The following SLC24A2 variants were observed in gnomAD, a reference collection of about 807,000 sequenced individuals.
SLC24A2 encodes solute carrier family 24 member 2, also known as sodium/potassium/calcium exchanger 2.
SLC24A2 carries 36 observed loss-of-function variants against 62.0 expected under a neutral mutation model. The ratio of observed to expected loss-of-function variants is 0.58; its 90% CI spans 0.44 to 0.77. SLC24A2 has a LOEUF of 0.77. Ranked by LOEUF, SLC24A2 falls within the 30% of genes least tolerant of loss-of-function variation. The probability of loss-of-function intolerance (pLI) is 0.00; values close to 1 mark genes in which losing one functional copy is unlikely to be tolerated. For synonymous variants in SLC24A2, 358 were observed against 294.0 expected (o/e 1.22, Z -2.23); for missense variants, 846 against 817.9 (o/e 1.03, Z -0.42).
At chr9:19,868,035 G>A in the SLC24A2 span, among the ~76,000 whole-genome samples, 1 of 151,386 alleles carries the variant, frequency 6.6e-6, no homozygotes, top group African/African-American at 2.4e-5. Context: ...CTTGTTTTGG[G>A]TTTATTGTGC....
intron 2 of SLC24A2, among the ~76,000 whole-genome samples, chr9:19,636,386 T>TCTTTCTTCCTTCCTCCCTCC (rs1554690439): frequency 4.3e-5 from 1 of 23,396 alleles, no homozygotes; most frequent in African/African-American, 1.6e-4. Flanking sequence ...TTTCTTTCTT[T>TCTTTCTTCCTTCCTCCCTCC]CTCCCTCTCT....
chr9:20,103,765 A>C, the SLC24A2 span, among the ~76,000 whole-genome samples: 1 of 151,922 alleles, frequency 6.6e-6, no homozygotes, highest in South Asian at 2.1e-4. Context: ...AGAACAGAAA[A>C]ACTGGAAACT....
At chr9:20,128,716 A>C in the SLC24A2 span, among the ~76,000 whole-genome samples, 2 of 152,122 alleles carry the variant, frequency 1.3e-5, no homozygotes, top group African/African-American at 4.8e-5. Flanking sequence ...GGGAAAGAAT[A>C]ATCTCTTCAA....
In SLC24A2 at chr9:19,765,513, G is replaced by A. The variant is rs371180706; in HGVS notation, c.930+20424C>T. 1.9e-4 allele frequency among the ~76,000 whole-genome samples: 29 copies of A among 152,212 alleles called. 1 individual carries two copies. The South Asian group carries it at 3.5e-3, about 19-fold the overall frequency. On this transcript the variant is annotated intron_variant, in intron 2 of 10. Transcript: ENST00000341998. The stretch of plus-strand genomic sequence containing the variant: ...CCTGGTGGTGACAAAATCCCTCAGC[G>A]TTTGCTTGTCTGTAAAGGATTTTAT...
intron 8 of SLC24A2, among the ~76,000 whole-genome samples, chr9:19,531,192 A>C (rs573994143): frequency 6.6e-6 from 1 of 152,284 alleles, no homozygotes; most frequent in South Asian, 2.1e-4. Flanking sequence ...CTAACTGTTG[A>C]ACTACTTTAC....
chr9:20,136,065 T>C, the SLC24A2 span, among the ~76,000 whole-genome samples: 4 of 152,114 alleles, frequency 2.6e-5, no homozygotes, highest in Admixed American at 2.6e-4. Context: ...GGTCTATTTC[T>C]GGTATTTACT....
At chr9:19,895,892 G>T in the SLC24A2 span, 3 of 1,613,238 alleles carry the variant, frequency 1.9e-6, no homozygotes, top group East Asian at 2.2e-5. Context: ...AGTGTGATGC[G>T]CCGGGCAGGG....
the SLC24A2 span, among the ~76,000 whole-genome samples, chr9:20,296,644 G>A: frequency 3.3e-3 from 495 of 152,288 alleles, no homozygotes; most frequent in Non-Finnish European, 4.9e-3. Flanking sequence ...CCAATTCTTC[G>A]GGTGACTGCA....
chr9:20,047,890 T>A, the SLC24A2 span, among the ~76,000 whole-genome samples: 2 of 151,806 alleles, frequency 1.3e-5, no homozygotes, highest in Non-Finnish European at 2.9e-5. Context: ...TTGTTTGTAA[T>A]AGATAAATAA....
chr9:19,765,908 T>C (rs1822500344), intron 2 of SLC24A2, among the ~76,000 whole-genome samples: 1 of 152,236 alleles, frequency 6.6e-6, no homozygotes, highest in Non-Finnish European at 1.5e-5. Context: ...TTGGTTCCAA[T>C]CTCCATGTCA....
At chr9:19,546,588 A>G (rs547191117) in intron 8 of SLC24A2, among the ~76,000 whole-genome samples, 118 of 152,272 alleles carry the variant, frequency 7.7e-4, no homozygotes, top group Non-Finnish European at 1.2e-3. Context: ...GCTGGCAGCA[A>G]GAACTTCAAG....
chr9:19,886,964 A>G, the SLC24A2 span, among the ~76,000 whole-genome samples: 1 of 152,172 alleles, frequency 6.6e-6, no homozygotes, highest in Non-Finnish European at 1.5e-5. Context: ...AGAAAACAAA[A>G]CACCACATGT....
intron 2 of SLC24A2, among the ~76,000 whole-genome samples, chr9:19,754,683 A>T (rs1481351366): frequency 6.6e-6 from 1 of 151,020 alleles, no homozygotes; most frequent in Non-Finnish European, 1.5e-5. Flanking sequence ...GGTGTTTTGT[A>T]ACTAGGATCC....
At chr9:19,848,280 G>C in the SLC24A2 span, among the ~76,000 whole-genome samples, 1 of 152,136 alleles carries the variant, frequency 6.6e-6, no homozygotes, top group South Asian at 2.1e-4. Flanking sequence ...AGAGGAAGAG[G>C]TTTAAATTGT....
chr9:19,850,977 ATATATATG>A, the SLC24A2 span, among the ~76,000 whole-genome samples: 1,319 of 45,154 alleles, frequency 0.029, 61 homozygotes, highest in Non-Finnish European at 0.045. Context: ...GTATATATAT[ATATATATG>A]TATATATATA....
At chr9:19,851,022 T>G in the SLC24A2 span, among the ~76,000 whole-genome samples, 2 of 65,770 alleles carry the variant, frequency 3.0e-5, no homozygotes, top group Non-Finnish European at 6.0e-5. Flanking sequence ...TATATATATA[T>G]ACATATTTTT....
At chr9:20,133,270 A>G in the SLC24A2 span, among the ~76,000 whole-genome samples, 1 of 152,078 alleles carries the variant, frequency 6.6e-6, no homozygotes, top group African/African-American at 2.4e-5. Flanking sequence ...CTCCTACTGG[A>G]TCTGCTTCTC....
chr9:19,516,682 G>A (rs1381345860), intron 10 of SLC24A2, among the ~76,000 whole-genome samples: 6 of 152,132 alleles, frequency 3.9e-5, no homozygotes, highest in South Asian at 2.1e-4. Context: ...CTACATTTGC[G>A]AATTTGACTG....
chr9:20,236,726 A>G, the SLC24A2 span, among the ~76,000 whole-genome samples: 5 of 152,190 alleles, frequency 3.3e-5, no homozygotes, highest in Admixed American at 6.5e-5. Context: ...CTTCTGTTGC[A>G]TAAAATCAGC....
Sources: gnomAD v4.1 joint callset for allele counts (sites outside exome capture counted in the v4.1 genomes callset) on GRCh38, gnomAD v4.1.1 for gene constraint, MANE v1.5 for transcripts, NCBI Gene and HGNC (gene_info 2026-07-23, HGNC 2026-07-21) for gene names.